ACER1: variants seen among roughly 807,000 people sequenced by gnomAD.
ACER1 encodes the protein CTB-180A7.3.
In ACER1, 28 loss-of-function variants were observed where a neutral mutation model predicts 24.9. That is an observed-to-expected ratio of 1.13 (90% CI 0.83 to 1.54). The LOEUF (loss-of-function observed/expected upper bound fraction) is 1.54, where lower values mean the gene tolerates loss of function less well. Ranked by LOEUF, ACER1 falls within the 40% of genes most tolerant of loss-of-function variation. The probability of loss-of-function intolerance (pLI) is 0.00; values close to 1 mark genes in which losing one functional copy is unlikely to be tolerated. For missense variants in ACER1, 352 were observed against 349.3 expected (o/e 1.01, Z -0.06); for synonymous variants, 132 against 131.4 (o/e 1.00, Z -0.03).
the ACER1 span, among the ~76,000 whole-genome samples, chr19:6,342,211 C>G: frequency 6.8e-6 from 1 of 147,382 alleles, no homozygotes; most frequent in South Asian, 2.1e-4. Context: ...TATTTATTTT[C>G]TGAAGTAGAT....
the ACER1 span, among the ~76,000 whole-genome samples, chr19:6,338,756 G>A: frequency 1.4e-4 from 21 of 151,974 alleles, no homozygotes; most frequent in Non-Finnish European, 2.2e-4. Flanking sequence ...TCTATTTTTT[G>A]TAGAGACAGG....
rs546670986 is a variant in ACER1, at chr19:6,306,478, G to T, written c.*236C>A. 1.3e-4 allele frequency: 63 copies of T among 480,050 alleles called. No homozygotes were observed. Among genetic ancestry groups the T allele is most frequent in the African/African-American group, 1.1e-3 (56 of 52,280 alleles). 29.7% of individuals were successfully genotyped at this position (480,050 alleles called of 1,614,324 possible). On this transcript the variant is annotated 3_prime_UTR_variant, in exon 6 of 6. Transcript: ENST00000301452. ...GGAGGAAATGAAAGAGGATGGGGGG[G>T]GTCATGGAGGGGAGATGCACGAGAC... is the stretch of plus-strand genomic sequence containing the variant.
At chr19:6,340,480 G>T in the ACER1 span, among the ~76,000 whole-genome samples, 3 of 152,116 alleles carry the variant, frequency 2.0e-5, no homozygotes, top group African/African-American at 7.2e-5. Flanking sequence ...AGGTGGACCA[G>T]GAGGGCAAAC....
chr19:6,316,479 G>T (rs1568309929), intron 1 of ACER1, among the ~76,000 whole-genome samples: 1 of 152,076 alleles, frequency 6.6e-6, no homozygotes, highest in Non-Finnish European at 1.5e-5. Flanking sequence ...CGGCAACATG[G>T]ATGGAACCGG....
the ACER1 span, among the ~76,000 whole-genome samples, chr19:6,348,125 G>A: frequency 4.0e-5 from 6 of 151,544 alleles, no homozygotes; most frequent in Admixed American, 2.0e-4. Context: ...ACCTACACAC[G>A]TATTTAAAGC....
chr19:6,317,289 T>C (rs559310334), intron 1 of ACER1, among the ~76,000 whole-genome samples: 45 of 152,276 alleles, frequency 3.0e-4, no homozygotes, highest in African/African-American at 1.0e-3. Flanking sequence ...TATTCCTTTA[T>C]AGCAACACAA....
At chr19:6,329,505 T>A (rs1324927969) in intron 1 of ACER1, among the ~76,000 whole-genome samples, 1 of 152,112 alleles carries the variant, frequency 6.6e-6, no homozygotes, top group Non-Finnish European at 1.5e-5. Flanking sequence ...TACAGGATGA[T>A]GATGATGTAA....
chr19:6,339,480 G>C, the ACER1 span, among the ~76,000 whole-genome samples: 1 of 152,230 alleles, frequency 6.6e-6, no homozygotes, highest in East Asian at 1.9e-4. Flanking sequence ...TAGGGAGTGA[G>C]TGTTTCTTGG....
At chr19:6,348,540 C>A in the ACER1 span, among the ~76,000 whole-genome samples, 1 of 149,870 alleles carries the variant, frequency 6.7e-6, no homozygotes, top group African/African-American at 2.5e-5. Context: ...TCTTAAAGGA[C>A]CAATCTGATG....
intron 1 of ACER1, among the ~76,000 whole-genome samples, chr19:6,322,296 C>T (rs749050510): frequency 1.6e-4 from 24 of 152,174 alleles, no homozygotes; most frequent in Non-Finnish European, 3.4e-4. Context: ...GTGCGTGGGG[C>T]TGAATACATT....
rs753873217 is a variant in ACER1, at chr19:6,333,520, T to G, written c.32A>C (p.Glu11Ala). Residue 11 changes from glutamate (E) to alanine (A), a missense_variant, in exon 1 of 6, where the codon GAG becomes GCG. Glu to Ala is a moderately radical substitution (Grantham distance 107). Coordinates refer to ENST00000301452, the MANE Select transcript of ACER1 (RefSeq NM_133492.3). MPSIFAYQSS[E>A]VDWCESNFQY... ...GAAGTTGCTCTCACACCAGTCCACC[T>G]CGGAGCTCTGATAGGCGAAGATGCT... 3 of 1,590,986 alleles carry G rather than the reference T, an allele frequency of 1.9e-6. No homozygotes were observed. In the South Asian group the frequency reaches 3.4e-5, roughly 18 times the overall value.
chr19:6,312,869 G>T (rs2091588838), intron 1 of ACER1, among the ~76,000 whole-genome samples: 1 of 151,814 alleles, frequency 6.6e-6, no homozygotes, highest in Non-Finnish European at 1.5e-5. Context: ...TAGAGACAGG[G>T]TTTCACCATG....
chr19:6,346,846 G>C, the ACER1 span, among the ~76,000 whole-genome samples: 1 of 151,686 alleles, frequency 6.6e-6, no homozygotes, highest in Non-Finnish European at 1.5e-5. Context: ...CTGGTCCAGC[G>C]GGGAGGAGGT....
chr19:6,306,516 T>C lies in ACER1; in HGVS notation c.*198A>G. The C allele has an allele frequency of 5.2e-6, 3 of 573,450 alleles. No homozygotes were observed. The highest frequency in any genetic ancestry group is 5.8e-6 in the Non-Finnish European group (2 of 343,792). The allele number at this position is 573,450 out of a possible 1,614,324, so 35.5% of individuals were successfully genotyped here. A position where few individuals can be genotyped will look rare whatever the true frequency, so the allele number is the denominator to read the frequency against. On this transcript the variant is annotated 3_prime_UTR_variant, in exon 6 of 6. Coordinates refer to ENST00000301452, the MANE Select transcript of ACER1 (RefSeq NM_133492.3). ...AGATGCACGAGACAGCCCCCCACAG[T>C]CACCAGGCTGCTGCTCAGAGATGTC...
chr19:6,333,636 G>A (rs1245447107), upstream of ACER1: 6 of 1,225,868 alleles, frequency 4.9e-6, no homozygotes, highest in African/African-American at 7.5e-5. Flanking sequence ...GAGGCGGGGA[G>A]AGGACAGCCC....
the ACER1 span, among the ~76,000 whole-genome samples, chr19:6,347,505 CCA>C: frequency 0.035 from 5,134 of 148,726 alleles, 301 homozygotes; most frequent in African/African-American, 0.13. Flanking sequence ...TAGGTACGAG[CCA>C]CTGTGTGGAA....
At chr19:6,314,075 C>A in intron 1 of ACER1, among the ~76,000 whole-genome samples, 1 of 149,088 alleles carries the variant, frequency 6.7e-6, no homozygotes, top group African/African-American at 2.5e-5. Flanking sequence ...AAGGCCAGCC[C>A]AAAAAACATA....
At chr19:6,337,658 T>TCTC (rs1568315517), upstream of ACER1, among the ~76,000 whole-genome samples, 4 of 103,228 alleles carry the variant, frequency 3.9e-5, no homozygotes, top group African/African-American at 2.1e-4. Context: ...TCTTTCTTTC[T>TCTC]TTCTTTTTTT....
chr19:6,329,982 T>C (rs1210706996), intron 1 of ACER1, among the ~76,000 whole-genome samples: 1 of 151,530 alleles, frequency 6.6e-6, no homozygotes, highest in African/African-American at 2.4e-5. Flanking sequence ...ATAATTCTCC[T>C]GCCTCAGCCT....
Sources: gnomAD v4.1 joint callset for allele counts (sites outside exome capture counted in the v4.1 genomes callset) on GRCh38, gnomAD v4.1.1 for gene constraint, MANE v1.5 for transcripts, NCBI Gene and HGNC (gene_info 2026-07-23, HGNC 2026-07-21) for gene names.